The following MYOF variants were observed in gnomAD, a reference collection of about 807,000 sequenced individuals.
MYOF encodes the protein fer-1-like 3, myoferlin.
In MYOF, 244 loss-of-function variants were observed where a neutral mutation model predicts 284.2. The observed-to-expected ratio is 0.86, with a 90% CI of 0.77 to 0.95. The LOEUF (loss-of-function observed/expected upper bound fraction) is 0.95. Ranked by LOEUF, MYOF falls within the 40% of genes least tolerant of loss-of-function variation. The pLI is 0.00. For synonymous variants in MYOF, 904 were observed against 919.7 expected (o/e 0.98, Z 0.31); for missense variants, 2,496 against 2,560.6 (o/e 0.97, Z 0.54).
chr10:93,347,085 C>T (rs568273386), intron 37 of MYOF, among the ~76,000 whole-genome samples: 14 of 152,332 alleles, frequency 9.2e-5, no homozygotes, highest in African/African-American at 1.9e-4. Context: ...CCACCCACCC[C>T]TAAAACAAGG....
intron 5 of MYOF, among the ~76,000 whole-genome samples, chr10:93,412,655 A>G (rs1187142253): frequency 6.6e-6 from 1 of 152,204 alleles, no homozygotes; most frequent in Non-Finnish European, 1.5e-5. Flanking sequence ...TTCAGAAGCA[A>G]GGAGCTTGCC....
intron 4 of MYOF, among the ~76,000 whole-genome samples, chr10:93,429,723 C>T (rs1399245104): frequency 6.6e-6 from 1 of 152,128 alleles, no homozygotes; most frequent in African/African-American, 2.4e-5. Context: ...GTAAATTTCT[C>T]TCCCTTTGCC....
In MYOF at chr10:93,313,019, C is replaced by T. The variant is rs778193566; in HGVS notation, c.5889+1G>A. 1.2e-6 allele frequency: 2 copies of T among 1,601,526 alleles called. No homozygotes were observed. The highest frequency in any genetic ancestry group is 1.7e-6 in the Non-Finnish European group (2 of 1,174,766). On this transcript the variant is annotated splice_donor_variant, in intron 51 of 53. Coordinates refer to ENST00000359263, the MANE Select transcript of MYOF (RefSeq NM_013451.4). LOFTEE classifies it high-confidence loss of function. ...CAACCAGAACCAGGAAATGTTCATA[C>T]AGCCATTACGCGGGCGCCATCTTTC...
chr10:93,466,297 G>A (rs2057007584), intron 1 of MYOF, among the ~76,000 whole-genome samples: 2 of 152,164 alleles, frequency 1.3e-5, no homozygotes, highest in Non-Finnish European at 2.9e-5. Context: ...GTGGCAACAG[G>A]ATACAAAGCG....
At chr10:93,395,518 T>C (rs1227271113) in intron 16 of MYOF, among the ~76,000 whole-genome samples, 1 of 152,234 alleles carries the variant, frequency 6.6e-6, no homozygotes, top group African/African-American at 2.4e-5. Flanking sequence ...CTTTCCTTCA[T>C]TCCCTGTTAC....
chr10:93,328,694 C>T, intron 45 of MYOF, 69 bp downstream of exon 45: 1 of 1,503,236 alleles, frequency 6.7e-7, no homozygotes, highest in Non-Finnish European at 9.1e-7. Flanking sequence ...TATTCACTCC[C>T]CCAAACCCAG....
chr10:93,401,792 CGTGTGTGTGTGTGTGTGTGTGT>C (rs57326000), intron 11 of MYOF, among the ~76,000 whole-genome samples: 2 of 94,388 alleles, frequency 2.1e-5, no homozygotes, highest in African/African-American at 6.3e-5. Flanking sequence ...AGAGCCTGTG[CGTGTGTGTGTGTGTGTGTGTGT>C]GTGTGTGTGT....
intron 48 of MYOF, among the ~76,000 whole-genome samples, chr10:93,321,278 G>T (rs772342323): frequency 1.2e-4 from 19 of 152,124 alleles, no homozygotes; most frequent in Non-Finnish European, 2.6e-4. Flanking sequence ...CACAGAGATT[G>T]CAAAGTCACT....
intron 48 of MYOF, 119 bp downstream of exon 48, chr10:93,322,959 A>T: frequency 2.0e-6 from 2 of 976,678 alleles, no homozygotes; most frequent in South Asian, 2.8e-5. Context: ...CACATTAATG[A>T]GATAAAATAA....
chr10:93,450,297 C>T (rs2056554524), intron 3 of MYOF, among the ~76,000 whole-genome samples: 1 of 152,222 alleles, frequency 6.6e-6, no homozygotes, highest in African/African-American at 2.4e-5. Context: ...GAGGCTGAGG[C>T]AGGAGAATCA....
At chr10:93,380,976 G>A (rs933139974) in intron 20 of MYOF, among the ~76,000 whole-genome samples, 27 of 152,210 alleles carry the variant, frequency 1.8e-4, no homozygotes, top group African/African-American at 6.0e-4. Flanking sequence ...CATTGTTAAA[G>A]CTGGGTGGGG....
chr10:93,420,684 C>T (rs182753839), intron 5 of MYOF, among the ~76,000 whole-genome samples: 2 of 152,262 alleles, frequency 1.3e-5, no homozygotes, highest in Admixed American at 6.5e-5. Flanking sequence ...TGGAGAAGAA[C>T]CTTTAAAATC....
intron 46 of MYOF, among the ~76,000 whole-genome samples, chr10:93,325,140 C>CTGGA (rs989257900): frequency 1.3e-5 from 2 of 152,180 alleles, no homozygotes; most frequent in African/African-American, 4.8e-5. Flanking sequence ...ATTCAGATTC[C>CTGGA]TGGACCCACC....
At chr10:93,468,802 G>A (rs1306144491) in intron 1 of MYOF, among the ~76,000 whole-genome samples, 1 of 152,214 alleles carries the variant, frequency 6.6e-6, no homozygotes, top group Non-Finnish European at 1.5e-5. Context: ...CTGCAGATCA[G>A]AGGGAGAGCT....
chr10:93,401,360 A>T, intron 12 of MYOF, 58 bp downstream of exon 12: 1 of 1,592,352 alleles, frequency 6.3e-7, no homozygotes, highest in East Asian at 2.2e-5. Flanking sequence ...TTGATTTTTA[A>T]CACATTTCAT....
chr10:93,340,603 C>A (rs1273637987), intron 38 of MYOF, among the ~76,000 whole-genome samples: 3 of 152,158 alleles, frequency 2.0e-5, no homozygotes, highest in Non-Finnish European at 4.4e-5. Context: ...CTCCTCCCCA[C>A]AAAAAACTGT....
At chr10:93,395,116 T>C (rs1345111313) in intron 16 of MYOF, among the ~76,000 whole-genome samples, 1 of 152,146 alleles carries the variant, frequency 6.6e-6, no homozygotes, top group African/African-American at 2.4e-5. Context: ...TTTAATCTAT[T>C]GGCAATTACA....
intron 29 of MYOF, 29 bp downstream of exon 29, chr10:93,359,804 G>T (rs775382966): frequency 8.1e-6 from 13 of 1,613,204 alleles, no homozygotes; most frequent in African/African-American, 5.3e-5. Context: ...GAGCTCCCCA[G>T]TCCAGCTCCC....
chr10:93,432,574 G>T (rs1310688946), intron 3 of MYOF, among the ~76,000 whole-genome samples: 1 of 152,028 alleles, frequency 6.6e-6, no homozygotes, highest in Non-Finnish European at 1.5e-5. Context: ...GACCTTCTAG[G>T]GTTGTAAATA....
Sources: gnomAD v4.1 joint callset for allele counts (sites outside exome capture counted in the v4.1 genomes callset) on GRCh38, gnomAD v4.1.1 for gene constraint, MANE v1.5 for transcripts, NCBI Gene and HGNC (gene_info 2026-07-23, HGNC 2026-07-21) for gene names.